The following TGFBR3 variants were observed in gnomAD, a reference collection of about 807,000 sequenced individuals.
TGFBR3 encodes transforming growth factor beta receptor 3.
A neutral mutation model predicts 87.9 loss-of-function variants in TGFBR3; 46 were observed. The ratio of observed to expected loss-of-function variants is 0.52; its 90% confidence interval spans 0.41 to 0.67. The LOEUF (loss-of-function observed/expected upper bound fraction) is 0.67. Ranked by LOEUF, TGFBR3 falls within the 30% of genes least tolerant of loss-of-function variation. The pLI is 0.00. For missense variants in TGFBR3, 866 were observed against 1,041.9 expected (o/e 0.83, Z 2.32); for synonymous variants, 381 against 391.6 (o/e 0.97, Z 0.32).
At chr1:91,861,710 TAAAC>T (rs1386001676) in intron 1 of TGFBR3, 66 bp from the exon 2 acceptor site, 2 of 654,610 alleles carry the variant, frequency 3.1e-6, no homozygotes, top group African/African-American at 3.7e-5. Flanking sequence ...ACACTAAAAT[TAAAC>T]AGAGAATTTC....
rs528937491 is a variant in TGFBR3 at position 91,881,772 on chromosome 1, G to A, written c.-114+4106C>T. Among the ~76,000 whole-genome samples the A allele has an allele frequency of 7.9e-5, 12 of 152,244 alleles. No homozygotes were observed. In the East Asian group the frequency reaches 2.1e-3, roughly 27 times the overall value. On this transcript the variant is annotated intron_variant, in intron 1 of 16. Transcript: ENST00000212355. ...ACATAATATGGGGCCGGGCACAGTC[G>A]CTCACGCCTATAATCCCAGCACTTT...
At chr1:91,903,021 C>T (rs1679765539) in intron 1 of TGFBR3, among the ~76,000 whole-genome samples, 2 of 119,844 alleles carry the variant, frequency 1.7e-5, no homozygotes, top group Non-Finnish European at 3.5e-5. Flanking sequence ...CTTCTAGCAC[C>T]TCACTTAAAA....
At chr1:91,788,102 T>C (rs1000257212) in intron 3 of TGFBR3, among the ~76,000 whole-genome samples, 1 of 151,690 alleles carries the variant, frequency 6.6e-6, no homozygotes, top group African/African-American at 2.4e-5. Flanking sequence ...GGAGCAAGAG[T>C]GGGGCAGGCA....
intron 5 of TGFBR3, among the ~76,000 whole-genome samples, chr1:91,731,842 C>T (rs981395540): frequency 2.6e-5 from 4 of 152,152 alleles, no homozygotes; most frequent in African/African-American, 9.7e-5. Context: ...CATGTGAAGC[C>T]ACTAGGAAAG....
chr1:91,753,413 AAAAAAG>A (rs1673626190), intron 4 of TGFBR3, among the ~76,000 whole-genome samples: 1 of 151,346 alleles, frequency 6.6e-6, no homozygotes, highest in African/African-American at 2.4e-5. Flanking sequence ...AAAAAAAAAA[AAAAAAG>A]TGCTGCAGCA....
At chr1:91,795,734 C>T (rs573149767) in intron 3 of TGFBR3, among the ~76,000 whole-genome samples, 29 of 152,260 alleles carry the variant, frequency 1.9e-4, no homozygotes, top group African/African-American at 7.0e-4. Flanking sequence ...CTCCTCCTTT[C>T]CCTCTCACCA....
chr1:91,904,992 G>T lies in TGFBR3; in HGVS notation c.-175+834C>A, dbSNP rs183049873. 3.3e-5 allele frequency among the ~76,000 whole-genome samples: 5 copies of T among 152,214 alleles called. No individual in the cohort carries two copies. In the East Asian group the frequency reaches 9.7e-4, roughly 29 times the overall value. On this transcript the variant is annotated intron_variant, in intron 1 of 17. Coordinates refer to the TGFBR3 transcript ENST00000370399. ...TGGGATTACAGGCATGAGCCACCAT[G>T]CCTGGCCAGATTCTTTACCTGTAAA... is the stretch of plus-strand genomic sequence containing the variant.
intron 5 of TGFBR3, among the ~76,000 whole-genome samples, chr1:91,732,338 T>C (rs940103236): frequency 6.6e-6 from 1 of 152,132 alleles, no homozygotes; most frequent in Non-Finnish European, 1.5e-5. Flanking sequence ...TCAGATCTCC[T>C]AAAGGGCTGA....
rs528428092 is a variant in TGFBR3 at position 91,733,025 on chromosome 1, T to TA, written c.568+1750dup. Among the ~76,000 whole-genome samples, 406 of 152,342 alleles carry TA rather than the reference T, an allele frequency of 2.7e-3. 2 individuals carry two copies. Among genetic ancestry groups the TA allele is most frequent in the Non-Finnish European group, 4.1e-3 (279 of 68,026 alleles). ...GAAACGCGGCCCGCTGGCCAGGGCTTAGAGTCTTTATTAAAAGAAATTTTT... is the reference window on the plus strand; with the variant it reads ...GAAACGCGGCCCGCTGGCCAGGGCTTAAGAGTCTTTATTAAAAGAAATTTTT... On this transcript the variant is annotated intron_variant, in intron 5 of 16. Transcript: ENST00000212355.
In TGFBR3 at chr1:91,868,872, A is replaced by C. The variant is rs574178217; in HGVS notation, c.-113-7228T>G. Among the ~76,000 whole-genome samples the C allele has an allele frequency of 3.9e-5, 6 of 152,312 alleles. No homozygotes were observed. The South Asian group carries it at 1.2e-3, about 32-fold the overall frequency. ...GGTGGTTTAGAGCCCAGGCATGTGA[A>C]ACACTAAGAATTAAAACTCTTCAAT... On this transcript the variant is annotated intron_variant, in intron 1 of 16. Transcript: ENST00000212355.
At chr1:91,856,537 T>C (rs558783186) in intron 2 of TGFBR3, among the ~76,000 whole-genome samples, 1 of 152,246 alleles carries the variant, frequency 6.6e-6, no homozygotes, top group African/African-American at 2.4e-5. Context: ...CTCCTATTAT[T>C]CTAACTTGGG....
chr1:91,706,295 G>A (rs1671797862), intron 14 of TGFBR3, among the ~76,000 whole-genome samples: 1 of 152,136 alleles, frequency 6.6e-6, no homozygotes. Context: ...CAAGATACAG[G>A]TCATAAAGAC....
chr1:91,891,192 C>CT (rs577377769), intron 2 of TGFBR3, among the ~76,000 whole-genome samples: 1,595 of 141,944 alleles, frequency 0.011, 26 homozygotes, highest in African/African-American at 0.033. Flanking sequence ...CCTGGTCTCT[C>CT]TTTTTTTTTT....
At chr1:91,692,071 C>T (rs1302420392) in intron 16 of TGFBR3, among the ~76,000 whole-genome samples, 1 of 152,056 alleles carries the variant, frequency 6.6e-6, no homozygotes, top group Non-Finnish European at 1.5e-5. Flanking sequence ...ATAATTAATT[C>T]TAGGGAAAAT....
intron 2 of TGFBR3, among the ~76,000 whole-genome samples, chr1:91,821,650 G>A (rs1413929651): frequency 1.3e-5 from 2 of 152,124 alleles, no homozygotes; most frequent in African/African-American, 4.8e-5. Context: ...TGAGAGCTGT[G>A]GCCCAACTTC....
At chr1:91,735,055 C>A in intron 4 of TGFBR3, 96 bp from the exon 5 acceptor site, 2 of 1,411,246 alleles carry the variant, frequency 1.4e-6, no homozygotes, top group South Asian at 1.2e-5. Flanking sequence ...GCTTGTAAAT[C>A]GAACCTCTTC....
intron 1 of TGFBR3, among the ~76,000 whole-genome samples, chr1:91,876,559 G>A (rs1678818003): frequency 6.7e-6 from 1 of 148,666 alleles, no homozygotes; most frequent in African/African-American, 2.5e-5. Flanking sequence ...TTCAAAGCAT[G>A]GTAAAAAAAT....
chr1:91,849,405 C>G (rs1677631928), intron 2 of TGFBR3, among the ~76,000 whole-genome samples: 1 of 152,162 alleles, frequency 6.6e-6, no homozygotes, highest in South Asian at 2.1e-4. Context: ...GCACTGCAAG[C>G]AAACTTCCAC....
chr1:91,721,997 C>A lies in TGFBR3; in HGVS notation c.1033G>T (p.Ala345Ser), dbSNP rs958133701. 1.4e-5 allele frequency: 22 copies of A among 1,613,286 alleles called. No individual in the cohort carries two copies. The highest frequency in any genetic ancestry group is 1.7e-5 in the Admixed American group (1 of 59,914). The change falls in exon 8 of 17, where the codon GCT (alanine) becomes TCT (serine). Residue 345 changes from alanine to serine, a missense_variant. By Grantham distance (99) the Ala-to-Ser change is moderately conservative. Coordinates refer to ENST00000212355, the MANE Select transcript of TGFBR3 (RefSeq NM_003243.5). The stretch of plus-strand genomic sequence containing the variant: ...AGATGAAATCTATTAGCCACAGGAG[C>A]CATTGTGTATGAAGTTATTGGACTA... ...GYSPITSYTM[A>S]PVANRFHLRL...
Sources: gnomAD v4.1 joint callset for allele counts (sites outside exome capture counted in the v4.1 genomes callset) on GRCh38, gnomAD v4.1.1 for gene constraint, MANE v1.5 for transcripts, NCBI Gene and HGNC (gene_info 2026-07-23, HGNC 2026-07-21) for gene names.